HTRA3: variants seen among roughly 807,000 people sequenced by gnomAD.
HTRA3 encodes HtrA serine peptidase 3.
A neutral mutation model predicts 43.2 loss-of-function variants in HTRA3; 41 were observed. The observed-to-expected ratio is 0.95, with a 90% CI of 0.74 to 1.23. The LOEUF is 1.23. Ranked by LOEUF, HTRA3 falls within the 50% of genes most tolerant of loss-of-function variation. HTRA3 has a pLI of 0.00. For missense variants in HTRA3, 628 were observed against 647.1 expected, an observed-to-expected ratio of 0.97 and a Z score of 0.32; for synonymous variants, 295 against 287.9, an observed-to-expected ratio of 1.02 and a Z score of -0.25.
At position 8,270,085 on chromosome 4, in the gene HTRA3, C is replaced by T. The variant is rs1257133670; in HGVS notation, c.117C>T (p.Cys39=). 5 of 1,528,592 alleles carry T rather than the reference C, an allele frequency of 3.3e-6. No homozygotes were observed. The highest frequency in any genetic ancestry group is 1.4e-5 in the African/African-American group (1 of 69,876). The allele number at this position is 1,528,592 out of a possible 1,614,324, so 94.7% of individuals were successfully genotyped here. ...TGTCGCGGTGTCCCAGCCCCCGCTG[C>T]CCCGGCGGCTACGTGCCCGACCTCT... The part of the protein sequence containing the change: ...CDVSRCPSPR[C]PGGYVPDLCN... The change falls in exon 1 of 9, where the codon TGC becomes TGT. Residue 39 remains cysteine, a synonymous_variant. Coordinates refer to ENST00000307358, the MANE Select transcript of HTRA3 (RefSeq NM_053044.5).
At chr4:8,299,913 C>T (rs142860933) in intron 6 of HTRA3, among the ~76,000 whole-genome samples, 4,563 of 149,452 alleles carry the variant, frequency 0.031, 242 homozygotes, top group African/African-American at 0.11. Flanking sequence ...GATCTTGGCT[C>T]CCTGCAACCT....
chr4:8,296,370 T>A lies in HTRA3; in HGVS notation c.1051+2169T>A, dbSNP rs1713456980. On this transcript the variant is annotated intron_variant, in intron 6 of 8. Transcript: ENST00000307358. This position sits in a 1 kb window ranked among gnomAD's most constrained non-coding sequence, Gnocchi z 5.3. Reference sequence around the variant, plus strand: ...AGTGCAGACTAACTGAGGAGCCTGATAAACCTTAGCTGCATGGCACACTTG... The same window carrying A: ...AGTGCAGACTAACTGAGGAGCCTGAAAAACCTTAGCTGCATGGCACACTTG... 11 of 985,460 alleles carry A rather than the reference T, an allele frequency of 1.1e-5. No individual in the cohort carries two copies. Among genetic ancestry groups the A allele is most frequent in the Non-Finnish European group, 1.3e-5 (11 of 829,950 alleles). The allele number at this position is 985,460 out of a possible 1,614,324, so 61.0% of individuals were successfully genotyped here. A position where few individuals can be genotyped will look rare whatever the true frequency, so the allele number is the denominator to read the frequency against.
intron 1 of HTRA3, among the ~76,000 whole-genome samples, chr4:8,277,308 G>A (rs546978623): frequency 6.6e-6 from 1 of 152,194 alleles, no homozygotes; most frequent in Non-Finnish European, 1.5e-5. Flanking sequence ...TTAGTGGTGG[G>A]CGGGGCTGGG....
chr4:8,270,091 C>A lies in HTRA3; in HGVS notation c.123C>A (p.Gly41=). The A allele has an allele frequency of 6.5e-7, 1 of 1,531,066 alleles. No homozygotes were observed. Among genetic ancestry groups the A allele is most frequent in the Non-Finnish European group, 8.7e-7 (1 of 1,150,594 alleles). The allele number at this position is 1,531,066 out of a possible 1,614,324, so 94.8% of individuals were successfully genotyped here. A position where few individuals can be genotyped will look rare whatever the true frequency, so the allele number is the denominator to read the frequency against. The part of the protein sequence containing the change: ...VSRCPSPRCP[G]GYVPDLCNCC... ...GGTGTCCCAGCCCCCGCTGCCCCGG[C>A]GGCTACGTGCCCGACCTCTGCAACT... Residue 41 remains glycine, a synonymous_variant, in exon 1 of 9, where the codon GGC becomes GGA. Transcript: ENST00000307358.
At chr4:8,291,078 C>T (rs558262731) in intron 3 of HTRA3, among the ~76,000 whole-genome samples, 5 of 152,352 alleles carry the variant, frequency 3.3e-5, no homozygotes, top group Non-Finnish European at 7.3e-5. Context: ...GCTCAACGAC[C>T]TTGGAGGCTG....
Position 8,286,817 on chromosome 4 carries a change from T to C in HTRA3, c.708+34T>C, listed in dbSNP as rs746681422. 1 of 1,528,290 alleles carries C rather than the reference T, an allele frequency of 6.5e-7. No individual in the cohort carries two copies. Among genetic ancestry groups the C allele is most frequent in the Admixed American group, 1.7e-5 (1 of 57,726 alleles). 94.7% of individuals were successfully genotyped at this position (1,528,290 alleles called of 1,614,324 possible). ...GCGTGGGTGGAGGGGCGGAAGCACC[T>C]GGGGCTGGGCATGGTGGCCTCTTCC... is the stretch of plus-strand genomic sequence containing the variant. On this transcript the variant is annotated intron_variant, in intron 3 of 8. Transcript: ENST00000307358. This position sits in a 1 kb window ranked among gnomAD's most constrained non-coding sequence, Gnocchi z 4.9.
At chr4:8,301,454 ACT>A (rs761840442) in intron 6 of HTRA3, among the ~76,000 whole-genome samples, 20 of 149,380 alleles carry the variant, frequency 1.3e-4, no homozygotes, top group Non-Finnish European at 1.3e-4. Context: ...ATTGAGTCAC[ACT>A]CTCAGCTTTA....
intron 1 of HTRA3, among the ~76,000 whole-genome samples, chr4:8,274,380 G>T (rs11736323): frequency 3.9e-5 from 6 of 152,036 alleles, no homozygotes; most frequent in Non-Finnish European, 8.8e-5. Flanking sequence ...GCACACCCAG[G>T]GTCTCCGGTG....
At chr4:8,287,456 C>G (rs1713036152) in intron 3 of HTRA3, among the ~76,000 whole-genome samples, 2 of 152,158 alleles carry the variant, frequency 1.3e-5, no homozygotes, top group Admixed American at 1.3e-4. Context: ...GTTCTGTAGG[C>G]TGTACAGGAA....
At chr4:8,273,206 G>A (rs1712366862) in intron 1 of HTRA3, among the ~76,000 whole-genome samples, 1 of 152,222 alleles carries the variant, frequency 6.6e-6, no homozygotes, top group Non-Finnish European at 1.5e-5. Context: ...TCTGCAAGGG[G>A]TGGCAGGGCC....
rs1262610984 is a variant in HTRA3, at chr4:8,286,996, C to T, written c.708+213C>T. ...GACTCCTTGTCCTGCGCTCCCTGAG[C>T]CGCTAGGTGCAGGGCAGAGCCAGGA... On this transcript the variant is annotated intron_variant, in intron 3 of 8. Coordinates refer to ENST00000307358, the MANE Select transcript of HTRA3 (RefSeq NM_053044.5). The surrounding 1 kb of genome is among the most constrained non-coding windows in gnomAD (Gnocchi z 4.9). 6.6e-6 allele frequency among the ~76,000 whole-genome samples: 1 copy of T among 152,172 alleles called. No individual in the cohort carries two copies. The highest frequency in any genetic ancestry group is 2.4e-5 in the African/African-American group (1 of 41,442).
At chr4:8,305,938 G>T in intron 8 of HTRA3, 33 bp from the exon 9 acceptor site, 1 of 1,610,674 alleles carries the variant, frequency 6.2e-7, no homozygotes, top group South Asian at 1.1e-5. Flanking sequence ...CTGGGGAGGC[G>T]GTGGGTGGTG....
rs374869630 is a variant in HTRA3, at chr4:8,292,363, C to A, written c.936+10C>A. 1.5e-4 allele frequency: 236 copies of A among 1,611,706 alleles called. No individual in the cohort carries two copies. Among genetic ancestry groups the A allele is most frequent in the Non-Finnish European group, 1.8e-4 (216 of 1,178,572 alleles). ...ACCACTGGTGAACCTGGTAAGTGTC[C>A]CCTAGAGCCAAAATCTCTCAGGTTT... On this transcript the variant is annotated intron_variant, in intron 5 of 8. Transcript: ENST00000307358.
At position 8,296,154 on chromosome 4, in the gene HTRA3, G is replaced by C. The variant is rs1713446401; in HGVS notation, c.1051+1953G>C. Reference sequence around the variant, plus strand: ...GTTTGCACACACTGAGCTGTGAGGTGGCTTTCCTTGGAAGTGGATGATAGT... The same window carrying C: ...GTTTGCACACACTGAGCTGTGAGGTCGCTTTCCTTGGAAGTGGATGATAGT... On this transcript the variant is annotated intron_variant, in intron 6 of 8. Coordinates refer to ENST00000307358, the MANE Select transcript of HTRA3 (RefSeq NM_053044.5). This position sits in a 1 kb window ranked among gnomAD's most constrained non-coding sequence, Gnocchi z 5.3. 1 of 990,702 alleles carries C rather than the reference G, an allele frequency of 1.0e-6. No homozygotes were observed. Among genetic ancestry groups the C allele is most frequent in the South Asian group, 4.7e-5 (1 of 21,338 alleles). The allele number at this position is 990,702 out of a possible 1,614,324, so 61.4% of individuals were successfully genotyped here.
At chr4:8,287,948 T>C (rs1419538677) in intron 3 of HTRA3, among the ~76,000 whole-genome samples, 1 of 152,234 alleles carries the variant, frequency 6.6e-6, no homozygotes, top group East Asian at 1.9e-4. Context: ...CCCCATGCCA[T>C]GAGGTCACTG....
At position 8,291,571 on chromosome 4, in the gene HTRA3, C is replaced by T; in HGVS notation, c.903+7C>T. The T allele has an allele frequency of 6.4e-7, 1 of 1,563,780 alleles. No homozygotes were observed. The highest frequency in any genetic ancestry group is 8.7e-7 in the Non-Finnish European group (1 of 1,152,732). On this transcript the variant is annotated splice_region_variant and intron_variant, in intron 4 of 8. Transcript: ENST00000307358. ...GACGGATGCCATCATCAACGTGAGT[C>T]CCAGGGACAGGAGGCCGGGGCACCT...
At chr4:8,283,178 G>A (rs963312726) in intron 2 of HTRA3, among the ~76,000 whole-genome samples, 3 of 152,182 alleles carry the variant, frequency 2.0e-5, no homozygotes, top group Non-Finnish European at 2.9e-5. Flanking sequence ...AATGAGTGAG[G>A]GAGGGAATGA....
At chr4:8,270,841 G>T (rs1174364111) in intron 1 of HTRA3, among the ~76,000 whole-genome samples, 2 of 152,174 alleles carry the variant, frequency 1.3e-5, no homozygotes, top group African/African-American at 4.8e-5. Flanking sequence ...ACTGCTTAGG[G>T]CGCCCCAGGG....
chr4:8,304,178 T>G lies in HTRA3; in HGVS notation c.1101-6T>G, dbSNP rs1349784084. The G allele has an allele frequency of 6.2e-7, 1 of 1,613,652 alleles. No individual in the cohort carries two copies. On this transcript the variant is annotated splice_region_variant and splice_polypyrimidine_tract_variant and intron_variant, in intron 7 of 8. Coordinates refer to ENST00000307358, the MANE Select transcript of HTRA3 (RefSeq NM_053044.5). ...GGGAGGGGCCTTGACGGCAGACTCT[T>G]TCCAGCCTGGTGGATGAGCTGAAGG...
Sources: allele counts gnomAD v4.1 joint callset (sites outside exome capture counted in the v4.1 genomes callset), GRCh38; gene constraint gnomAD v4.1.1; non-coding constraint Gnocchi (gnomAD v3.1); transcripts MANE v1.5; gene names NCBI Gene and HGNC (gene_info 2026-07-23, HGNC 2026-07-21).